The following REV3L variants were observed in gnomAD, a reference collection of about 807,000 sequenced individuals.
The protein encoded by REV3L is REV3 like, DNA directed polymerase zeta catalytic subunit.
In REV3L, 69 loss-of-function variants were observed where a neutral mutation model predicts 299.4. The ratio of observed to expected loss-of-function variants is 0.23; its 90% CI spans 0.19 to 0.28. The LOEUF (loss-of-function observed/expected upper bound fraction) is 0.28. Ranked by LOEUF, REV3L falls within the 10% of genes least tolerant of loss-of-function variation. The pLI is 1.00. For synonymous variants in REV3L, 1,238 were observed against 1,271.4 expected (o/e 0.97, Z 0.56); for missense variants, 3,128 against 3,693.8 (o/e 0.85, Z 3.97).
Position 111,376,232 on chromosome 6 carries a change from T to C in REV3L, c.2123A>G (p.Asn708Ser), listed in dbSNP as rs1780290429. 1.2e-6 allele frequency: 2 copies of C among 1,613,722 alleles called. No individual in the cohort carries two copies. Among genetic ancestry groups the C allele is most frequent in the Non-Finnish European group, 1.7e-6 (2 of 1,179,890 alleles). Residue 708 changes from asparagine (N) to serine (S), a missense_variant, in exon 13 of 32, where the codon AAC (asparagine) becomes AGC (serine). Asn to Ser is a conservative substitution (Grantham distance 46). Transcript: ENST00000368802. ...NENTLGKNSFNFSDLNHSKNK... is the reference protein window; with the variant it reads ...NENTLGKNSFSFSDLNHSKNK... ...TTTTGAATGATTTAAGTCAGAAAAG[T>C]TGAAAGAATTTTTGCCCAATGTATT...
In REV3L at chr6:111,376,835, A is replaced by C. The variant is rs568956592; in HGVS notation, c.1598-78T>G. The C allele has an allele frequency of 3.2e-4, 382 of 1,181,418 alleles. 4 individuals carry two copies. In the South Asian group the frequency reaches 6.2e-3, roughly 19 times the overall value. The allele number at this position is 1,181,418 out of a possible 1,614,324, so 73.2% of individuals were successfully genotyped here. On this transcript the variant is annotated intron_variant, in intron 12 of 31. Transcript: ENST00000368802. ...AGACATTTTCCCACACCAAGATATT[A>C]ATGCTATCACTATGAAAAAATTACA...
chr6:111,413,288 G>C (rs898172736), intron 2 of REV3L, among the ~76,000 whole-genome samples: 63 of 152,024 alleles, frequency 4.1e-4, no homozygotes, highest in African/African-American at 1.5e-3. Context: ...AGACTCTTTG[G>C]GGGAAAAAAG....
intron 1 of REV3L, among the ~76,000 whole-genome samples, chr6:111,427,665 A>G (rs895703306): frequency 2.1e-4 from 32 of 152,172 alleles, no homozygotes; most frequent in Admixed American, 1.6e-3. Context: ...AACTTTCCCA[A>G]CTCAGAGTTG....
At chr6:111,422,591 TATAC>T (rs1336971157) in intron 1 of REV3L, among the ~76,000 whole-genome samples, 11 of 28,434 alleles carry the variant, frequency 3.9e-4, no homozygotes, top group Non-Finnish European at 6.5e-4. Flanking sequence ...TATATATATA[TATAC>T]ACATATATAT....
Position 111,351,794 on chromosome 6 carries a change from A to G in REV3L, c.7185-3T>C, listed in dbSNP as rs1777585280. On this transcript the variant is annotated splice_polypyrimidine_tract_variant and splice_region_variant and intron_variant, in intron 18 of 31. Coordinates refer to ENST00000368802, the MANE Select transcript of REV3L (RefSeq NM_001372078.1). ...CTAGCAGAATATCAGGATCATACCT[A>G]AAAAAGGAATTTAAAAAAGTTATAT... 1.3e-6 allele frequency: 2 copies of G among 1,588,866 alleles called. No individual in the cohort carries two copies. The highest frequency in any genetic ancestry group is 1.7e-6 in the Non-Finnish European group (2 of 1,160,022).
At chr6:111,436,979 A>C (rs2128304300) in intron 1 of REV3L, among the ~76,000 whole-genome samples, 1 of 152,348 alleles carries the variant, frequency 6.6e-6, no homozygotes, top group African/African-American at 2.4e-5. Context: ...TCCTGAGGAG[A>C]TATCAAATGG....
At position 111,310,961 on chromosome 6, in the gene REV3L, A is replaced by G. The variant is rs1772907920; in HGVS notation, c.8795+108T>C. 6 of 815,582 alleles carry G rather than the reference A, an allele frequency of 7.4e-6. No homozygotes were observed. The Admixed American group carries it at 1.7e-4, about 23-fold the overall frequency. The allele number at this position is 815,582 out of a possible 1,614,324, so 50.5% of individuals were successfully genotyped here. A position where few individuals can be genotyped will look rare whatever the true frequency, so the allele number is the denominator to read the frequency against. ...TCAGTGAGGCTTCATGTGCGCAGGT[A>G]AAGAAACAATTTTGTGTCTGTGTCT... On this transcript the variant is annotated intron_variant, in intron 29 of 31. Coordinates refer to ENST00000368802, the MANE Select transcript of REV3L (RefSeq NM_001372078.1).
intron 1 of REV3L, among the ~76,000 whole-genome samples, chr6:111,440,903 T>TA (rs1329637194): frequency 1.3e-5 from 2 of 152,218 alleles, no homozygotes; most frequent in Non-Finnish European, 2.9e-5. Context: ...TTTCAACACT[T>TA]AAAACACTTC....
intron 10 of REV3L, 122 bp downstream of exon 10, chr6:111,381,203 A>T: frequency 1.0e-6 from 1 of 955,678 alleles, no homozygotes; most frequent in Non-Finnish European, 1.6e-6. Context: ...CATATTCAGT[A>T]GAGTGTTTAC....
intron 25 of REV3L, among the ~76,000 whole-genome samples, chr6:111,327,054 T>A (rs1774905198): frequency 6.6e-6 from 1 of 152,092 alleles, no homozygotes; most frequent in African/African-American, 2.4e-5. Flanking sequence ...GCAGTCTGAG[T>A]TCACCGTGCA....
In REV3L at chr6:111,315,161, T is replaced by C. The variant is rs904337281; in HGVS notation, c.8466+106A>G. On this transcript the variant is annotated intron_variant, in intron 27 of 31. Transcript: ENST00000368802. ...CAGTGACCCAAATTTAACACTTTAA[T>C]AGACCCGTATACTGTTAGTGATTCT... 1.3e-5 allele frequency: 12 copies of C among 909,276 alleles called. 1 individual carries two copies. Among genetic ancestry groups the C allele is most frequent in the Non-Finnish European group, 1.5e-5 (9 of 608,970 alleles). 56.3% of individuals were successfully genotyped at this position (909,276 alleles called of 1,614,324 possible). A position where few individuals can be genotyped will look rare whatever the true frequency, so the allele number is the denominator to read the frequency against.
chr6:111,411,039 C>CA (rs1316840266), intron 3 of REV3L, among the ~76,000 whole-genome samples: 1 of 152,068 alleles, frequency 6.6e-6, no homozygotes, highest in Non-Finnish European at 1.5e-5. Context: ...CCAAAACCAA[C>CA]AAAAAACCTG....
At chr6:111,368,678 A>G (rs1351734446) in intron 13 of REV3L, among the ~76,000 whole-genome samples, 1 of 152,198 alleles carries the variant, frequency 6.6e-6, no homozygotes, top group Non-Finnish European at 1.5e-5. Context: ...GGAAATCACT[A>G]ATGAAAACAG....
intron 1 of REV3L, among the ~76,000 whole-genome samples, chr6:111,422,615 CATATATAT>C (rs200341270): frequency 7.3e-5 from 1 of 13,642 alleles, no homozygotes; most frequent in Non-Finnish European, 2.0e-4. Context: ...TATATATACA[CATATATAT>C]ATATATACAC....
intron 1 of REV3L, among the ~76,000 whole-genome samples, chr6:111,458,502 T>C (rs1252119977): frequency 1.3e-5 from 2 of 152,132 alleles, no homozygotes; most frequent in Non-Finnish European, 2.9e-5. Context: ...TATCTTTCTT[T>C]GCTAATGGTA....
intron 27 of REV3L, among the ~76,000 whole-genome samples, chr6:111,313,828 C>T (rs1773239738): frequency 6.6e-6 from 1 of 152,186 alleles, no homozygotes; most frequent in Admixed American, 6.5e-5. Context: ...CCATACTGTC[C>T]TTTTCCAATT....
At chr6:111,412,777 A>C (rs1004009685) in intron 2 of REV3L, among the ~76,000 whole-genome samples, 2 of 151,636 alleles carry the variant, frequency 1.3e-5, no homozygotes, top group African/African-American at 2.4e-5. Context: ...AAAAAAAAAA[A>C]AAAACAACTA....
intron 26 of REV3L, among the ~76,000 whole-genome samples, chr6:111,320,880 G>A (rs1202354100): frequency 6.6e-6 from 1 of 151,534 alleles, no homozygotes; most frequent in Non-Finnish European, 1.5e-5. Context: ...AAAACTTCTG[G>A]GCTCAAGCAA....
chr6:111,334,296 T>C (rs544561993), intron 22 of REV3L, among the ~76,000 whole-genome samples: 3 of 152,302 alleles, frequency 2.0e-5, no homozygotes, highest in East Asian at 1.9e-4. Context: ...GACAGCTGTA[T>C]AGTTTGACAA....
Sources: gnomAD v4.1 joint callset for allele counts (sites outside exome capture counted in the v4.1 genomes callset) on GRCh38, gnomAD v4.1.1 for gene constraint, MANE v1.5 for transcripts, NCBI Gene and HGNC (gene_info 2026-07-23, HGNC 2026-07-21) for gene names.